HEPHL1: variants seen among roughly 807,000 people sequenced by gnomAD.
HEPHL1 encodes the protein hephaestin like 1, also known as ferroxidase HEPHL1.
In HEPHL1, 123 loss-of-function variants were observed where a neutral mutation model predicts 122.0. The observed-to-expected ratio is 1.01, with a 90% CI of 0.87 to 1.17. The LOEUF is 1.17. Among genes scored for constraint, HEPHL1 ranks in the 50% most tolerant of loss-of-function variants. HEPHL1 has a pLI of 0.00. For synonymous variants in HEPHL1, 527 were observed against 508.9 expected, an observed-to-expected ratio of 1.04 and a Z score of -0.48; for missense variants, 1,452 against 1,430.5, an observed-to-expected ratio of 1.01 and a Z score of -0.24.
At chr11:94,095,821 GTC>G (rs1478732498) in intron 13 of HEPHL1, among the ~76,000 whole-genome samples, 21 of 152,272 alleles carry the variant, frequency 1.4e-4, no homozygotes, top group African/African-American at 4.8e-4. Flanking sequence ...CTCTCTGTTT[GTC>G]TGTTATTGGT....
intron 2 of HEPHL1, among the ~76,000 whole-genome samples, chr11:94,061,305 T>C (rs1278350967): frequency 6.6e-6 from 1 of 152,002 alleles, no homozygotes; most frequent in African/African-American, 2.4e-5. Context: ...GGGTCACTGG[T>C]GTGTGGCTGA....
In HEPHL1 at chr11:94,093,647, C is replaced by T; in HGVS notation, c.2434+7C>T. 1 of 1,611,716 alleles carries T rather than the reference C, an allele frequency of 6.2e-7. No homozygotes were observed. Among genetic ancestry groups the T allele is most frequent in the Non-Finnish European group, 8.5e-7 (1 of 1,179,274 alleles). Reference sequence around the variant, plus strand: ...GAGCACTTAGAACTCCTGGGTATGGCACAGATTTCAGGCGTGCACTGTCAG... The same window carrying T: ...GAGCACTTAGAACTCCTGGGTATGGTACAGATTTCAGGCGTGCACTGTCAG... On this transcript the variant is annotated splice_region_variant and intron_variant, in intron 13 of 19. Transcript: ENST00000315765.
chr11:94,103,273 CA>C (rs755716566), intron 15 of HEPHL1, among the ~76,000 whole-genome samples: 2,906 of 44,532 alleles, frequency 0.065, 18 homozygotes, highest in African/African-American at 0.12. Flanking sequence ...TTTTTTTTCC[CA>C]AAAAAAAAAA....
chr11:94,071,525 A>G (rs560725156), intron 6 of HEPHL1, among the ~76,000 whole-genome samples: 106 of 152,304 alleles, frequency 7.0e-4, no homozygotes, highest in Middle Eastern at 3.4e-3. Flanking sequence ...GGAGCCTTCT[A>G]GAATTCTGAA....
chr11:94,027,766 G>A (rs1320067442), intron 1 of HEPHL1, among the ~76,000 whole-genome samples: 29 of 152,128 alleles, frequency 1.9e-4, no homozygotes, highest in Non-Finnish European at 1.5e-5. Context: ...GTATATGAAG[G>A]GCTTCTGTGG....
chr11:94,039,323 G>C (rs1225584459), intron 1 of HEPHL1, among the ~76,000 whole-genome samples: 2 of 151,690 alleles, frequency 1.3e-5, no homozygotes, highest in Non-Finnish European at 2.9e-5. Context: ...GAGACAGAAA[G>C]TCAACAAGGA....
intron 1 of HEPHL1, among the ~76,000 whole-genome samples, chr11:94,042,517 C>G (rs1945790784): frequency 6.7e-6 from 1 of 148,786 alleles, no homozygotes; most frequent in Non-Finnish European, 1.5e-5. Context: ...AAATGTGGCA[C>G]ATATACACCA....
chr11:94,050,323 C>G (rs1021687152), intron 2 of HEPHL1, among the ~76,000 whole-genome samples: 2 of 151,998 alleles, frequency 1.3e-5, no homozygotes, highest in Non-Finnish European at 1.5e-5. Context: ...TATACCTTTA[C>G]GTTTTTTCTT....
chr11:94,111,905 C>T lies in HEPHL1; in HGVS notation c.*11C>T. 6.7e-7 allele frequency: 1 copy of T among 1,501,366 alleles called. No homozygotes were observed. Among genetic ancestry groups the T allele is most frequent in the Non-Finnish European group, 8.9e-7 (1 of 1,125,328 alleles). 93.0% of individuals were successfully genotyped at this position (1,501,366 alleles called of 1,614,324 possible). ...ACGGATGCTCTGTGAACCATCTGGT[C>T]TCCCTCAACAGGAAAGGGTGATGTC... On this transcript the variant is annotated 3_prime_UTR_variant, in exon 20 of 20. Transcript: ENST00000315765.
At chr11:94,070,179 C>T (rs532510354) in intron 5 of HEPHL1, among the ~76,000 whole-genome samples, 195 bp from the exon 6 acceptor site, 4 of 152,112 alleles carry the variant, frequency 2.6e-5, no homozygotes, top group African/African-American at 4.8e-5. Context: ...AAGTGATTTA[C>T]GTATTAATCT....
chr11:94,058,062 T>C (rs1315853083), intron 2 of HEPHL1, among the ~76,000 whole-genome samples: 2 of 152,228 alleles, frequency 1.3e-5, no homozygotes, highest in South Asian at 2.1e-4. Context: ...TTCTGAGAGG[T>C]CATTCCTATG....
At chr11:94,050,663 G>A (rs1945881759) in intron 2 of HEPHL1, among the ~76,000 whole-genome samples, 1 of 151,984 alleles carries the variant, frequency 6.6e-6, no homozygotes, top group Non-Finnish European at 1.5e-5. Context: ...TTGTGTTTCA[G>A]ACAATCCAAT....
Position 94,110,919 on chromosome 11 carries a change from G to A in HEPHL1, c.3062G>A (p.Arg1021Gln), listed in dbSNP as rs554555752. 89 of 1,612,116 alleles carry A rather than the reference G, an allele frequency of 5.5e-5. 1 individual carries two copies. In the South Asian group the frequency reaches 6.3e-4, roughly 11 times the overall value. Reference sequence around the variant, plus strand: ...TTTTTGCAGATAGATAAATCTTACCGAGAAGATGTGTATGATCTCTTTCCT... The same window carrying A: ...TTTTTGCAGATAGATAAATCTTACCAAGAAGATGTGTATGATCTCTTTCCT... ...SFLFKIDKSY[R>Q]EDVYDLFPGT... Residue 1021 changes from arginine to glutamine, a missense_variant, in exon 18 of 20, where the codon CGA becomes CAA. Coordinates refer to ENST00000315765, the MANE Select transcript of HEPHL1 (RefSeq NM_001098672.2).
At chr11:94,025,394 G>GAC (rs1945615856) in intron 1 of HEPHL1, among the ~76,000 whole-genome samples, 1 of 152,096 alleles carries the variant, frequency 6.6e-6, no homozygotes, top group Admixed American at 6.6e-5. Context: ...CTTAATTAAG[G>GAC]TGTGTGTTTG....
intron 19 of HEPHL1, 30 bp from the exon 20 acceptor site, chr11:94,111,661 CA>C (rs1946451122): frequency 1.2e-6 from 2 of 1,611,678 alleles, no homozygotes; most frequent in Non-Finnish European, 1.7e-6. Context: ...TCAAAAATGT[CA>C]GGGGCCTGAC....
intron 9 of HEPHL1, 141 bp downstream of exon 9, chr11:94,075,526 A>G (rs541266121): frequency 2.0e-4 from 123 of 626,376 alleles, no homozygotes; most frequent in Admixed American, 6.8e-4. Context: ...CATAATGGAG[A>G]TTTTATTTGA....
chr11:94,031,837 T>C (rs1388653976), intron 1 of HEPHL1, among the ~76,000 whole-genome samples: 1 of 152,232 alleles, frequency 6.6e-6, no homozygotes, highest in Non-Finnish European at 1.5e-5. Context: ...TCAGATGCTC[T>C]GGGCAGATAA....
chr11:94,032,635 G>T (rs905847405), intron 1 of HEPHL1, among the ~76,000 whole-genome samples: 14 of 152,106 alleles, frequency 9.2e-5, no homozygotes, highest in Non-Finnish European at 1.6e-4. Context: ...CATGAGCAGG[G>T]CAGGAGAGGG....
At chr11:94,023,595 G>A (rs1945599552) in intron 1 of HEPHL1, among the ~76,000 whole-genome samples, 1 of 152,170 alleles carries the variant, frequency 6.6e-6, no homozygotes. Context: ...AAAACAGTTG[G>A]TTTGGCATCA....
Sources: allele counts gnomAD v4.1 joint callset (sites outside exome capture counted in the v4.1 genomes callset), GRCh38; gene constraint gnomAD v4.1.1; transcripts MANE v1.5; gene names NCBI Gene and HGNC (gene_info 2026-07-23, HGNC 2026-07-21).